PUS7: variants seen among roughly 807,000 people sequenced by gnomAD.
The protein encoded by PUS7 is pseudouridylate synthase 7 homolog.
PUS7 carries 48 observed loss-of-function variants against 79.8 expected under a neutral mutation model. That is an observed-to-expected ratio of 0.60 (90% confidence interval 0.48 to 0.76). The LOEUF (loss-of-function observed/expected upper bound fraction) is 0.76. Ranked by LOEUF, PUS7 falls within the 30% of genes least tolerant of loss-of-function variation. The pLI is 0.00. For missense variants in PUS7, 729 were observed against 797.6 expected (o/e 0.91, Z 1.04); for synonymous variants, 286 against 272.2 (o/e 1.05, Z -0.50).
intron 7 of PUS7, among the ~76,000 whole-genome samples, chr7:105,485,109 C>T (rs890986834): frequency 6.6e-6 from 1 of 152,036 alleles, no homozygotes; most frequent in African/African-American, 2.4e-5. Context: ...CCCGCCTCAG[C>T]CCCACAAAGT....
intron 7 of PUS7, among the ~76,000 whole-genome samples, chr7:105,483,349 C>G (rs1299833722): frequency 4.6e-5 from 7 of 151,940 alleles, no homozygotes; most frequent in African/African-American, 1.7e-4. Context: ...AGTTTTAGTA[C>G]AGATGGGGTT....
Position 105,507,476 on chromosome 7 carries a change from G to GA in PUS7, c.398+638dup. The stretch of plus-strand genomic sequence containing the variant: ...TAACATAGTTGTGGCACATTCAAAT[G>GA]AAAAAAGAGTTTAAGATTATAAAAC... On this transcript the variant is annotated intron_variant, in intron 2 of 15. Transcript: ENST00000469408. 1.3e-5 allele frequency among the ~76,000 whole-genome samples: 2 copies of GA among 151,824 alleles called. 1 individual carries two copies. The highest frequency in any genetic ancestry group is 3.9e-4 in the East Asian group (2 of 5,178).
chr7:105,513,894 G>C (rs1291488949), intron 1 of PUS7, among the ~76,000 whole-genome samples: 1 of 140,356 alleles, frequency 7.1e-6, no homozygotes, highest in Non-Finnish European at 1.6e-5. Context: ...CTGTATTGTT[G>C]TTATGTCTGG....
rs920259689 is a variant in PUS7, at chr7:105,465,386, A to G, written c.1554T>C (p.Asp518=). ...GATATYIEED[D]VNNYSIHDVV... is the part of the protein sequence containing the mutation. ...CATCATGGATAGAGTAATTATTAAC[A>G]TCATCTTCCTCAATATAGGTGGCTG... is the stretch of plus-strand genomic sequence containing the variant. The change falls in exon 13 of 16, where the codon GAT becomes GAC. Residue 518 remains aspartate, a synonymous_variant. Transcript: ENST00000469408. 2.5e-6 allele frequency: 4 copies of G among 1,613,166 alleles called. No individual in the cohort carries two copies. The highest frequency in any genetic ancestry group is 3.4e-6 in the Non-Finnish European group (4 of 1,179,370).
chr7:105,506,914 T>C (rs549360861), intron 2 of PUS7, among the ~76,000 whole-genome samples: 1 of 152,314 alleles, frequency 6.6e-6, no homozygotes, highest in African/African-American at 2.4e-5. Context: ...ATATGGTTAA[T>C]TGAATCAGAA....
chr7:105,459,841 G>C (rs189683641), intron 14 of PUS7, among the ~76,000 whole-genome samples: 20 of 152,262 alleles, frequency 1.3e-4, no homozygotes, highest in Admixed American at 1.3e-3. Context: ...GGGCGGCCGA[G>C]GTGGGATGAC....
chr7:105,498,204 A>T (rs1487545518), intron 5 of PUS7, among the ~76,000 whole-genome samples: 2 of 152,232 alleles, frequency 1.3e-5, no homozygotes, highest in Non-Finnish European at 2.9e-5. Context: ...CACTCAATAT[A>T]CAAAATAGTA....
chr7:105,458,170 G>A (rs1823264452), intron 15 of PUS7, among the ~76,000 whole-genome samples: 1 of 152,164 alleles, frequency 6.6e-6, no homozygotes, highest in African/African-American at 2.4e-5. Context: ...ACACAAAAGA[G>A]AAACGCATGT....
chr7:105,458,040 A>C, intron 15 of PUS7, 114 bp from the exon 16 acceptor site: 1 of 1,202,496 alleles, frequency 8.3e-7, no homozygotes, highest in African/African-American at 1.5e-5. Flanking sequence ...CTTAGACTCC[A>C]CTTCCTAGGG....
chr7:105,458,498 C>A (rs1472120921), intron 15 of PUS7, among the ~76,000 whole-genome samples: 1 of 151,018 alleles, frequency 6.6e-6, no homozygotes, highest in Admixed American at 6.6e-5. Context: ...AACTCCTGAC[C>A]TCAAGTGATC....
At chr7:105,460,952 C>T (rs902032725) in intron 14 of PUS7, among the ~76,000 whole-genome samples, 3 of 152,108 alleles carry the variant, frequency 2.0e-5, no homozygotes, top group African/African-American at 7.2e-5. Context: ...ACTGCAGCCT[C>T]GACCTTCCAG....
At chr7:105,496,847 T>G in intron 5 of PUS7, 2 of 639,824 alleles carry the variant, frequency 3.1e-6, no homozygotes, top group Non-Finnish European at 4.0e-6. Context: ...TCATTTTCGG[T>G]TTTCCTTCCA....
chr7:105,485,929 G>A (rs1229173732), intron 7 of PUS7, among the ~76,000 whole-genome samples: 7 of 151,850 alleles, frequency 4.6e-5, no homozygotes, highest in Admixed American at 4.6e-4. Flanking sequence ...TGAGAAGCTG[G>A]GACTACCGGC....
At chr7:105,474,944 C>T (rs566948795) in intron 9 of PUS7, among the ~76,000 whole-genome samples, 47 of 152,340 alleles carry the variant, frequency 3.1e-4, no homozygotes, top group African/African-American at 1.1e-3. Context: ...CTCCAGAGCT[C>T]AGTACCTGCA....
intron 12 of PUS7, among the ~76,000 whole-genome samples, chr7:105,467,493 G>T (rs1293195305): frequency 6.6e-6 from 1 of 151,498 alleles, no homozygotes; most frequent in South Asian, 2.1e-4. Context: ...GTTTCACCGT[G>T]TTAGCCAGGA....
chr7:105,462,440 C>T, intron 14 of PUS7, 181 bp downstream of exon 14: 2 of 637,262 alleles, frequency 3.1e-6, no homozygotes, highest in East Asian at 7.1e-5. Flanking sequence ...CAAAAAAAAA[C>T]CAAAAAAAAA....
intron 7 of PUS7, among the ~76,000 whole-genome samples, chr7:105,490,250 T>C (rs988782868): frequency 6.6e-6 from 1 of 152,096 alleles, no homozygotes; most frequent in African/African-American, 2.4e-5. Flanking sequence ...AGTTTTGACA[T>C]GTGTATAAGC....
chr7:105,479,841 T>C (rs1037860707), intron 9 of PUS7, among the ~76,000 whole-genome samples: 30 of 150,642 alleles, frequency 2.0e-4, no homozygotes, highest in Middle Eastern at 6.9e-3. Context: ...CTACTAAAAA[T>C]ACAAAAATTA....
intron 12 of PUS7, among the ~76,000 whole-genome samples, chr7:105,465,836 A>G (rs1823620316): frequency 6.6e-6 from 1 of 151,800 alleles, no homozygotes; most frequent in African/African-American, 2.4e-5. Flanking sequence ...TCCTCTCAAA[A>G]TAAAAAAGAA....
Sources: allele counts gnomAD v4.1 joint callset (sites outside exome capture counted in the v4.1 genomes callset), GRCh38; gene constraint gnomAD v4.1.1; transcripts MANE v1.5; gene names NCBI Gene and HGNC (gene_info 2026-07-23, HGNC 2026-07-21).